Variants in ATXN7L1 observed in about 807,000 individuals in gnomAD.
ATXN7L1 encodes the protein ataxin-7-like protein 1.
Under a neutral mutation model 70.8 loss-of-function variants are expected in ATXN7L1, and 15 were observed. The ratio of observed to expected loss-of-function variants is 0.21; its 90% CI spans 0.14 to 0.33. The LOEUF (loss-of-function observed/expected upper bound fraction) is 0.33, where lower values mean the gene tolerates loss of function less well. ATXN7L1 is among the 10% of genes least tolerant of loss of function. The pLI is 1.00. For missense variants in ATXN7L1, 975 were observed against 1,097.1 expected (o/e 0.89, Z 1.57); for synonymous variants, 440 against 445.1 (o/e 0.99, Z 0.14).
chr7:105,617,384 A>G (rs1173816101), intron 9 of ATXN7L1, among the ~76,000 whole-genome samples: 2 of 152,236 alleles, frequency 1.3e-5, no homozygotes, highest in Non-Finnish European at 2.9e-5. Flanking sequence ...GTATAAATTC[A>G]CACTTCAACT....
intron 9 of ATXN7L1, among the ~76,000 whole-genome samples, chr7:105,615,467 C>A (rs1439390959): frequency 2.6e-5 from 4 of 152,204 alleles, no homozygotes; most frequent in African/African-American, 7.2e-5. Context: ...TGACTCGCGG[C>A]TGCTGGCTCC....
chr7:105,738,095 C>A (rs1417420630), intron 3 of ATXN7L1, among the ~76,000 whole-genome samples: 1 of 152,194 alleles, frequency 6.6e-6, no homozygotes, highest in African/African-American at 2.4e-5. Flanking sequence ...CTACTCACAG[C>A]CACATCACAC....
chr7:105,616,498 C>T (rs1044107407), intron 9 of ATXN7L1, among the ~76,000 whole-genome samples: 1 of 152,140 alleles, frequency 6.6e-6, no homozygotes, highest in African/African-American at 2.4e-5. Flanking sequence ...CTCACAATGG[C>T]CATGATGGCA....
intron 8 of ATXN7L1, 80 bp from the exon 9 acceptor site, chr7:105,620,401 A>C: frequency 1.5e-6 from 2 of 1,376,400 alleles, no homozygotes; most frequent in Non-Finnish European, 1.9e-6. Context: ...TAACATTTAC[A>C]TAAAAACATA....
At position 105,731,500 on chromosome 7, in the gene ATXN7L1, T is replaced by C. The variant is rs564005830; in HGVS notation, c.355+57104A>G. ...CCCAGGCTGGAGTGCAATGGTGCGA[T>C]CTCAGCTCACTGCAACCTCCGCGTC... On this transcript the variant is annotated intron_variant, in intron 3 of 11. Transcript: ENST00000419735. Among the ~76,000 whole-genome samples, 23 of 149,836 alleles carry C rather than the reference T, an allele frequency of 1.5e-4. No individual in the cohort carries two copies. In the East Asian group the frequency reaches 4.4e-3, roughly 29 times the overall value.
At chr7:105,697,891 C>T (rs1791950625) in intron 3 of ATXN7L1, among the ~76,000 whole-genome samples, 1 of 152,234 alleles carries the variant, frequency 6.6e-6, no homozygotes, top group Admixed American at 6.5e-5. Flanking sequence ...TGTGCCCATG[C>T]CCTGGATGTT....
At chr7:105,673,913 C>T (rs1057483647) in intron 3 of ATXN7L1, among the ~76,000 whole-genome samples, 3 of 152,234 alleles carry the variant, frequency 2.0e-5, no homozygotes, top group Admixed American at 1.3e-4. Context: ...GATATTGAAT[C>T]AGCCTTGCTC....
intron 3 of ATXN7L1, among the ~76,000 whole-genome samples, chr7:105,711,733 T>C (rs143517886): frequency 0.01 from 1,579 of 152,344 alleles, 20 homozygotes; most frequent in Middle Eastern, 0.037. Context: ...TGAGTGCCTG[T>C]GGCACTTCCA....
chr7:105,734,700 T>C (rs1050269584), intron 3 of ATXN7L1, among the ~76,000 whole-genome samples: 2 of 151,588 alleles, frequency 1.3e-5, no homozygotes, highest in Non-Finnish European at 2.9e-5. Context: ...TGAGAGTAAA[T>C]GAAAGTGATT....
At chr7:105,679,635 T>C (rs1042364234) in intron 3 of ATXN7L1, among the ~76,000 whole-genome samples, 4 of 152,198 alleles carry the variant, frequency 2.6e-5, no homozygotes, top group Non-Finnish European at 5.9e-5. Flanking sequence ...TGGTCCCTGA[T>C]CTTGGCCAAG....
At chr7:105,624,527 G>A (rs756988397) in intron 7 of ATXN7L1, among the ~76,000 whole-genome samples, 2 of 151,974 alleles carry the variant, frequency 1.3e-5, no homozygotes, top group East Asian at 1.9e-4. Context: ...GCGCGTGCCT[G>A]TAGTCCCAGC....
At chr7:105,870,132 A>T (rs550471506) in intron 2 of ATXN7L1, among the ~76,000 whole-genome samples, 1 of 152,236 alleles carries the variant, frequency 6.6e-6, no homozygotes, top group East Asian at 1.9e-4. Context: ...ATACAAAAAA[A>T]TTAGCCAGGT....
intron 3 of ATXN7L1, among the ~76,000 whole-genome samples, chr7:105,671,241 C>T (rs1466521451): frequency 1.3e-5 from 2 of 150,992 alleles, no homozygotes; most frequent in East Asian, 1.9e-4. Context: ...CTGGATTACA[C>T]CACTGCACTC....
intron 3 of ATXN7L1, among the ~76,000 whole-genome samples, chr7:105,722,292 G>A (rs1372748010): frequency 6.6e-6 from 1 of 152,168 alleles, no homozygotes; most frequent in Non-Finnish European, 1.5e-5. Context: ...GCCGGGCACA[G>A]TGGCTCATGC....
intron 3 of ATXN7L1, among the ~76,000 whole-genome samples, chr7:105,673,367 T>A (rs1179542291): frequency 2.0e-5 from 3 of 152,206 alleles, no homozygotes; most frequent in Admixed American, 1.3e-4. Context: ...AATTTTCCAA[T>A]ATGGCTTTTA....
At chr7:105,611,631 C>T (rs760540128) in intron 10 of ATXN7L1, among the ~76,000 whole-genome samples, 6 of 152,240 alleles carry the variant, frequency 3.9e-5, no homozygotes, top group Admixed American at 6.5e-5. Flanking sequence ...CTCGGCCTCC[C>T]GAAATGCTGG....
At chr7:105,715,548 C>G (rs1794438551) in intron 3 of ATXN7L1, among the ~76,000 whole-genome samples, 2 of 152,260 alleles carry the variant, frequency 1.3e-5, no homozygotes, top group African/African-American at 4.8e-5. Context: ...TCCTGGATAA[C>G]TGGAGTAGTA....
chr7:105,676,865 C>G (rs772675016), intron 3 of ATXN7L1, among the ~76,000 whole-genome samples: 2 of 151,972 alleles, frequency 1.3e-5, no homozygotes, highest in South Asian at 4.2e-4. Context: ...AACAAAAAAC[C>G]CCCCAAAACA....
chr7:105,678,549 G>A (rs995233741), intron 3 of ATXN7L1, among the ~76,000 whole-genome samples: 4 of 152,220 alleles, frequency 2.6e-5, no homozygotes, highest in African/African-American at 9.7e-5. Context: ...AATTTGTACA[G>A]TTTGAATAGA....
Sources: allele counts gnomAD v4.1 joint callset (sites outside exome capture counted in the v4.1 genomes callset), GRCh38; gene constraint gnomAD v4.1.1; transcripts MANE v1.5; gene names NCBI Gene and HGNC (gene_info 2026-07-23, HGNC 2026-07-21).